The following MON2 variants were observed in gnomAD, a reference collection of about 807,000 sequenced individuals.
MON2 encodes the protein protein MON2 homolog.
In MON2, 84 loss-of-function variants were observed where a neutral mutation model predicts 208.6. That is an observed-to-expected ratio of 0.40 (90% CI 0.34 to 0.48). The LOEUF is 0.48. MON2 is among the 20% of genes least tolerant of loss of function. The probability of loss-of-function intolerance (pLI) is 0.59; values close to 1 mark genes in which losing one functional copy is unlikely to be tolerated. For synonymous variants in MON2, 660 were observed against 694.0 expected (o/e 0.95, Z 0.77); for missense variants, 1,611 against 2,015.4 (o/e 0.80, Z 3.84).
chr12:62,485,691 G>GT (rs1249672212), intron 2 of MON2, among the ~76,000 whole-genome samples: 2 of 151,848 alleles, frequency 1.3e-5, no homozygotes, highest in African/African-American at 4.8e-5. Flanking sequence ...TGGCAAGTGG[G>GT]TTTTTTTTGT....
chr12:62,524,709 A>T, intron 9 of MON2, 70 bp downstream of exon 9: 1 of 1,437,526 alleles, frequency 7.0e-7, no homozygotes, highest in Non-Finnish European at 9.5e-7. Context: ...AACCTATAAT[A>T]GGTTAATAAA....
rs529050726 is a variant in MON2, at chr12:62,585,774, T to A, written c.4907+273T>A. ...ATTACCTTTTTGAATTAAAAAAAAATAAACTGAATTCCAAAATATATCTTC... is the reference window on the plus strand; with the variant it reads ...ATTACCTTTTTGAATTAAAAAAAAAAAAACTGAATTCCAAAATATATCTTC... On this transcript the variant is annotated intron_variant, in intron 33 of 34. Transcript: ENST00000393630. 10 of 235,162 alleles carry A rather than the reference T, an allele frequency of 4.3e-5. No individual in the cohort carries two copies. In the South Asian group the frequency reaches 1.3e-3, roughly 31 times the overall value. 14.6% of individuals were successfully genotyped at this position (235,162 alleles called of 1,614,324 possible). A position where few individuals can be genotyped will look rare whatever the true frequency, so the allele number is the denominator to read the frequency against.
At chr12:62,536,889 A>G (rs1018484053) in intron 14 of MON2, among the ~76,000 whole-genome samples, 8 of 151,754 alleles carry the variant, frequency 5.3e-5, no homozygotes, top group African/African-American at 1.9e-4. Flanking sequence ...GGACTTCACC[A>G]TGTTGGCCAG....
At chr12:62,591,452 G>A (rs1436973277) in intron 34 of MON2, among the ~76,000 whole-genome samples, 3 of 152,170 alleles carry the variant, frequency 2.0e-5, no homozygotes, top group African/African-American at 7.2e-5. Context: ...TTTGATGTCA[G>A]TAGGTATTGG....
intron 31 of MON2, among the ~76,000 whole-genome samples, chr12:62,579,887 A>G (rs1376020444): frequency 1.3e-5 from 2 of 152,268 alleles, no homozygotes; most frequent in Non-Finnish European, 2.9e-5. Context: ...ACAAAAATGA[A>G]TATAACTTTA....
chr12:62,531,765 T>A (rs1167338103), intron 11 of MON2, among the ~76,000 whole-genome samples: 28 of 152,024 alleles, frequency 1.8e-4, no homozygotes, highest in Admixed American at 1.5e-3. Context: ...CATCTTATTT[T>A]TTTTTTATTT....
At chr12:62,520,162 C>A (rs192992731) in intron 8 of MON2, among the ~76,000 whole-genome samples, 1 of 152,206 alleles carries the variant, frequency 6.6e-6, no homozygotes, top group Non-Finnish European at 1.5e-5. Context: ...TACTGTGTTA[C>A]AGTAAAATTC....
intron 25 of MON2, 153 bp from the exon 26 acceptor site, chr12:62,560,338 C>T: frequency 1.3e-5 from 9 of 684,120 alleles, no homozygotes; most frequent in Middle Eastern, 4.5e-4. Flanking sequence ...ATTTTAATTC[C>T]CATTGTTAGT....
In MON2 at chr12:62,598,932, A is replaced by C. The variant is rs532369834; in HGVS notation, c.*6183A>C. 2.0e-5 allele frequency: 3 copies of C among 152,318 alleles called. No homozygotes were observed. The East Asian group carries it at 5.8e-4, about 29-fold the overall frequency. 9.4% of individuals were successfully genotyped at this position (152,318 alleles called of 1,614,324 possible). ...CAACACTAGTGTTTCTTTATAACTT[A>C]AAATCATAACCACTTTGATAATTTA... On this transcript the variant is annotated 3_prime_UTR_variant, in exon 35 of 35. Transcript: ENST00000393630.
At chr12:62,518,299 G>T (rs958745749) in intron 8 of MON2, among the ~76,000 whole-genome samples, 5 of 152,146 alleles carry the variant, frequency 3.3e-5, no homozygotes, top group Admixed American at 1.3e-4. Context: ...TTAGACCATA[G>T]CATTGCTTTG....
intron 1 of MON2, among the ~76,000 whole-genome samples, chr12:62,480,018 C>G (rs909029430): frequency 6.6e-6 from 1 of 152,022 alleles, no homozygotes; most frequent in African/African-American, 2.4e-5. Context: ...TATTTCATAC[C>G]TAAGTGATAT....
intron 34 of MON2, among the ~76,000 whole-genome samples, chr12:62,589,744 T>TAAAAA (rs5798649): frequency 8.8e-6 from 1 of 113,638 alleles, no homozygotes; most frequent in Admixed American, 9.6e-5. Flanking sequence ...ACCCCATCTT[T>TAAAAA]AAAAAAAAAA....
At chr12:62,534,547 A>ATATATATATAT (rs2072855186) in intron 12 of MON2, among the ~76,000 whole-genome samples, 1 of 37,462 alleles carries the variant, frequency 2.7e-5, no homozygotes, top group African/African-American at 1.3e-4. Flanking sequence ...AAAAAAATAT[A>ATATATATATAT]TATATATATA....
chr12:62,485,746 C>T (rs894398152), intron 2 of MON2, among the ~76,000 whole-genome samples: 1 of 151,992 alleles, frequency 6.6e-6, no homozygotes, highest in East Asian at 1.9e-4. Context: ...TCTTGTTATC[C>T]CAGCTGGAGT....
intron 29 of MON2, among the ~76,000 whole-genome samples, chr12:62,570,304 G>A (rs2136399594): frequency 6.6e-6 from 1 of 152,160 alleles, no homozygotes; most frequent in South Asian, 2.1e-4. Flanking sequence ...CAGTTTTACT[G>A]AACTATTTGG....
At chr12:62,582,658 C>T (rs539440580) in intron 32 of MON2, among the ~76,000 whole-genome samples, 4 of 152,030 alleles carry the variant, frequency 2.6e-5, no homozygotes, top group South Asian at 4.2e-4. Context: ...CTGGTATCAT[C>T]GCTTACAAAA....
Position 62,560,841 on chromosome 12 carries a change from A to T in MON2, c.3760A>T (p.Ser1254Cys), listed in dbSNP as rs752963029. 1.4e-5 allele frequency: 22 copies of T among 1,614,050 alleles called. No homozygotes were observed. Among genetic ancestry groups the T allele is most frequent in the Non-Finnish European group, 1.5e-5 (18 of 1,180,024 alleles). ...TACCTGGTATAGAATTGGATCTGAA[A>T]GTACTAAGCCTCCTATTACTTTTGA... ...WNTWYRIGSE[S>C]TKPPITFDKL... The change falls in exon 26 of 35, where the codon AGT becomes TGT. Residue 1254 changes from serine to cysteine, a missense_variant. Coordinates refer to ENST00000393630, the MANE Select transcript of MON2 (RefSeq NM_015026.3).
intron 32 of MON2, among the ~76,000 whole-genome samples, chr12:62,581,211 A>T (rs886639863): frequency 6.6e-6 from 1 of 152,192 alleles, no homozygotes; most frequent in Non-Finnish European, 1.5e-5. Context: ...GTTTGTTATT[A>T]ATTCTCTTTT....
chr12:62,550,909 CTTTTTTTT>C (rs869160726), intron 23 of MON2, among the ~76,000 whole-genome samples: 5 of 43,810 alleles, frequency 1.1e-4, no homozygotes, highest in African/African-American at 4.2e-4. Context: ...TTCTTTCTTT[CTTTTTTTT>C]TTTTTTTTTT....
Sources: gnomAD v4.1 joint callset for allele counts (sites outside exome capture counted in the v4.1 genomes callset) on GRCh38, gnomAD v4.1.1 for gene constraint, MANE v1.5 for transcripts, NCBI Gene and HGNC (gene_info 2026-07-23, HGNC 2026-07-21) for gene names.